Variants in PTPA observed in about 807,000 individuals in gnomAD.
The protein encoded by PTPA is serine/threonine-protein phosphatase 2A activator.
Under a neutral mutation model 43.6 loss-of-function variants are expected in PTPA, and 13 were observed. The observed-to-expected ratio is 0.30, with a 90% confidence interval of 0.19 to 0.47. The LOEUF (loss-of-function observed/expected upper bound fraction) is 0.47. Among genes scored for constraint, PTPA ranks in the 20% least tolerant of loss-of-function variants. PTPA has a pLI of 0.99. For missense variants in PTPA, 329 were observed against 411.9 expected, an observed-to-expected ratio of 0.80 and a Z score of 1.74; for synonymous variants, 172 against 158.2, an observed-to-expected ratio of 1.09 and a Z score of -0.66.
intron 8 of PTPA, chr9:129,142,011 A>G (rs17486478): frequency 0.036 from 5,698 of 158,072 alleles, 351 homozygotes; most frequent in African/African-American, 0.13. Flanking sequence ...ATCTGAACCC[A>G]AGTGAATCCC....
chr9:129,123,618 A>G (rs976608030), intron 3 of PTPA, among the ~76,000 whole-genome samples: 1 of 152,200 alleles, frequency 6.6e-6, no homozygotes, highest in Non-Finnish European at 1.5e-5. Flanking sequence ...ATGGATATTT[A>G]TAAAATTGAG....
At chr9:129,122,523 C>T (rs2541161) in intron 2 of PTPA, among the ~76,000 whole-genome samples, 44,753 of 152,048 alleles carry the variant, frequency 0.29, 6,691 homozygotes, top group East Asian at 0.42. Flanking sequence ...ATCTGCACTC[C>T]AACTAGACAG....
intron 3 of PTPA, among the ~76,000 whole-genome samples, chr9:129,126,642 G>C (rs1849600256): frequency 6.6e-6 from 1 of 152,164 alleles, no homozygotes; most frequent in Admixed American, 6.5e-5. Flanking sequence ...TCAGTAAAAT[G>C]TTAGGGAAGA....
chr9:129,111,368 T>G (rs1274698873), upstream of PTPA: 11 of 1,170,786 alleles, frequency 9.4e-6, no homozygotes, highest in Admixed American at 9.4e-5. Flanking sequence ...GTTCCGCGCG[T>G]CCGCCGCGCG....
chr9:129,145,908 C>T (rs146295997), intron 9 of PTPA, among the ~76,000 whole-genome samples: 1 of 152,236 alleles, frequency 6.6e-6, no homozygotes, highest in Non-Finnish European at 1.5e-5. Flanking sequence ...GGGAGAAAGG[C>T]TGGGCTGGAG....
At chr9:129,128,410 C>T (rs183509664) in intron 3 of PTPA, among the ~76,000 whole-genome samples, 9 of 152,066 alleles carry the variant, frequency 5.9e-5, no homozygotes, top group Admixed American at 5.2e-4. Context: ...GTGGTGTGCG[C>T]CTTTAGTCCC....
chr9:129,114,677 G>T (rs1848754585), intron 1 of PTPA, among the ~76,000 whole-genome samples: 1 of 152,124 alleles, frequency 6.6e-6, no homozygotes, highest in South Asian at 2.1e-4. Context: ...TCTTTGTTGG[G>T]GGGCTTAGGA....
upstream of PTPA, chr9:129,111,244 C>T: frequency 8.7e-7 from 1 of 1,151,114 alleles, no homozygotes; most frequent in Non-Finnish European, 1.1e-6. Flanking sequence ...ACGCCCCGCA[C>T]AATCGTGGCA....
chr9:129,146,831 G>C, intron 9 of PTPA, among the ~76,000 whole-genome samples: 1 of 152,282 alleles, frequency 6.6e-6, no homozygotes, highest in South Asian at 2.1e-4. Flanking sequence ...CCTGTTCAGC[G>C]CTCTTTTTCC....
chr9:129,131,528 G>A lies in PTPA; in HGVS notation c.349G>A (p.Glu117Lys). ...TWYAKLDEEA[E>K]NLVATVVPTH... ...GTGTCTCTTGTGTTACCAGGAAGCA[G>A]AAAACTTGGTGGCCACAGTGGTCCC... is the stretch of plus-strand genomic sequence containing the variant. The change falls in exon 5 of 10, where the codon GAA becomes AAA. Residue 117 changes from glutamate (E) to lysine (K), a missense_variant. Transcript: ENST00000393370. 1 of 1,613,594 alleles carries A rather than the reference G, an allele frequency of 6.2e-7. No individual in the cohort carries two copies. Among genetic ancestry groups the A allele is most frequent in the Non-Finnish European group, 8.5e-7 (1 of 1,180,004 alleles).
chr9:129,143,609 G>T, intron 9 of PTPA: 3 of 609,616 alleles, frequency 4.9e-6, no homozygotes, highest in Admixed American at 2.8e-5. Context: ...TCCTGAAGGG[G>T]TTAATGAGGC....
chr9:129,116,368 A>G (rs1232558841), intron 1 of PTPA, among the ~76,000 whole-genome samples: 41 of 133,434 alleles, frequency 3.1e-4, no homozygotes, highest in Non-Finnish European at 9.3e-5. Context: ...TTGTATTTTT[A>G]GTAGAGACAG....
intron 1 of PTPA, among the ~76,000 whole-genome samples, chr9:129,112,235 C>A (rs550670852): frequency 6.6e-6 from 1 of 152,194 alleles, no homozygotes; most frequent in Non-Finnish European, 1.5e-5. Flanking sequence ...GCATCTCCTT[C>A]GGTAACTCTT....
intron 5 of PTPA, among the ~76,000 whole-genome samples, chr9:129,134,592 C>T (rs1850227904): frequency 6.6e-6 from 1 of 152,122 alleles, no homozygotes; most frequent in Admixed American, 6.5e-5. Flanking sequence ...GCATGAGCCA[C>T]CATGCACGGC....
At chr9:129,144,626 C>T (rs960949626) in intron 9 of PTPA, among the ~76,000 whole-genome samples, 12 of 151,208 alleles carry the variant, frequency 7.9e-5, no homozygotes, top group Non-Finnish European at 1.5e-4. Flanking sequence ...GTAGTCCCAG[C>T]TACTCGGGAG....
At chr9:129,146,078 G>A (rs1851279825) in intron 9 of PTPA, among the ~76,000 whole-genome samples, 1 of 144,554 alleles carries the variant, frequency 6.9e-6, no homozygotes, top group Non-Finnish European at 1.5e-5. Context: ...GTTGACCTTT[G>A]ACCCCTTCTG....
intron 9 of PTPA, among the ~76,000 whole-genome samples, chr9:129,144,590 T>C (rs1027679657): frequency 1.3e-4 from 19 of 148,396 alleles, no homozygotes; most frequent in Non-Finnish European, 2.4e-4. Flanking sequence ...TATAAAAAAA[T>C]TAGCCGGGCG....
At chr9:129,111,701 A>G in intron 1 of PTPA, 70 bp downstream of exon 1, 2 of 1,247,704 alleles carry the variant, frequency 1.6e-6, no homozygotes, top group African/African-American at 1.6e-5. Context: ...TGGGAGGCTC[A>G]GGAGGGCGAG....
intron 7 of PTPA, among the ~76,000 whole-genome samples, chr9:129,137,019 C>T (rs1330555235): frequency 6.6e-6 from 1 of 152,190 alleles, no homozygotes; most frequent in African/African-American, 2.4e-5. Flanking sequence ...AGGGAGCAGC[C>T]GCCAAGTGCT....
Sources: allele counts gnomAD v4.1 joint callset (sites outside exome capture counted in the v4.1 genomes callset), GRCh38; gene constraint gnomAD v4.1.1; transcripts MANE v1.5; gene names NCBI Gene and HGNC (gene_info 2026-07-23, HGNC 2026-07-21).